ENTPD1: variants seen among roughly 807,000 people sequenced by gnomAD.
ENTPD1 encodes ectonucleoside triphosphate diphosphohydrolase 1.
A neutral mutation model predicts 57.0 loss-of-function variants in ENTPD1; 33 were observed. That is an observed-to-expected ratio of 0.58 (90% CI 0.44 to 0.77). ENTPD1 has a LOEUF of 0.77. ENTPD1 is among the 30% of genes least tolerant of loss of function. ENTPD1 has a pLI of 0.00. For missense variants in ENTPD1, 501 were observed against 603.4 expected, an observed-to-expected ratio of 0.83 and a Z score of 1.78; for synonymous variants, 202 against 218.8, an observed-to-expected ratio of 0.92 and a Z score of 0.68.
chr10:95,851,701 T>C (rs1365207486), intron 7 of ENTPD1, among the ~76,000 whole-genome samples: 4 of 151,790 alleles, frequency 2.6e-5, no homozygotes, highest in Admixed American at 1.3e-4. Context: ...GTCCCTGCGA[T>C]AGTTTGCTGA....
At chr10:95,743,381 G>A (rs1390781779) in intron 1 of ENTPD1, among the ~76,000 whole-genome samples, 3 of 152,138 alleles carry the variant, frequency 2.0e-5, no homozygotes, top group African/African-American at 7.2e-5. Context: ...TGTTTGTCAG[G>A]TTTTTCCACT....
chr10:95,696,578 C>G, the ENTPD1 span, among the ~76,000 whole-genome samples: 4 of 152,144 alleles, frequency 2.6e-5, no homozygotes, highest in African/African-American at 9.7e-5. Flanking sequence ...CCGTGCCTGG[C>G]ATGTATTGCT....
chr10:95,834,451 C>T (rs1023289074), intron 2 of ENTPD1, among the ~76,000 whole-genome samples: 9 of 151,970 alleles, frequency 5.9e-5, no homozygotes, highest in South Asian at 4.1e-4. Context: ...AGGGCTTTCT[C>T]GGTAAAGGCC....
At chr10:95,822,840 T>G (rs2140553863) in intron 1 of ENTPD1, among the ~76,000 whole-genome samples, 1 of 152,324 alleles carries the variant, frequency 6.6e-6, no homozygotes. Context: ...TCTTAATACT[T>G]TTTAACATCA....
At chr10:95,772,972 C>T (rs1766565671) in intron 1 of ENTPD1, among the ~76,000 whole-genome samples, 1 of 152,122 alleles carries the variant, frequency 6.6e-6, no homozygotes, top group Non-Finnish European at 1.5e-5. Flanking sequence ...CTTGAAAGCT[C>T]AAGATTGGGC....
intron 7 of ENTPD1, among the ~76,000 whole-genome samples, chr10:95,858,672 G>A (rs1189076931): frequency 6.6e-6 from 1 of 152,162 alleles, no homozygotes; most frequent in Admixed American, 6.5e-5. Flanking sequence ...TGGAATTCCT[G>A]AGTTCAGGGC....
intron 7 of ENTPD1, among the ~76,000 whole-genome samples, chr10:95,849,613 A>G (rs559747390): frequency 3.3e-4 from 50 of 152,374 alleles, no homozygotes; most frequent in African/African-American, 9.6e-4. Flanking sequence ...TGAGAAAACA[A>G]TAGGTAATGC....
At chr10:95,841,117 T>C (rs922530814) in intron 3 of ENTPD1, among the ~76,000 whole-genome samples, 7 of 152,186 alleles carry the variant, frequency 4.6e-5, no homozygotes, top group Non-Finnish European at 8.8e-5. Flanking sequence ...CCAAGCACGG[T>C]GGCTCATGCC....
At chr10:95,742,561 A>G (rs958360881) in intron 1 of ENTPD1, among the ~76,000 whole-genome samples, 17 of 146,900 alleles carry the variant, frequency 1.2e-4, no homozygotes, top group Admixed American at 4.1e-4. Flanking sequence ...TTTTAGACCA[A>G]TGGGAATATT....
At chr10:95,714,576 GA>G (rs1442622615) in intron 1 of ENTPD1, among the ~76,000 whole-genome samples, 1 of 152,040 alleles carries the variant, frequency 6.6e-6, no homozygotes, top group Non-Finnish European at 1.5e-5. Flanking sequence ...CTGAGTTTAA[GA>G]TTATGTTGAA....
At chr10:95,814,648 C>CTT (rs2098323619) in intron 1 of ENTPD1, among the ~76,000 whole-genome samples, 1 of 152,096 alleles carries the variant, frequency 6.6e-6, no homozygotes, top group South Asian at 2.1e-4. Flanking sequence ...ATCAGCCAGG[C>CTT]TACGTTGTTA....
intron 7 of ENTPD1, among the ~76,000 whole-genome samples, chr10:95,848,691 C>T (rs1019472658): frequency 2.0e-5 from 3 of 152,194 alleles, no homozygotes; most frequent in African/African-American, 7.2e-5. Flanking sequence ...TTTCCTTGCA[C>T]ACATCTCTTG....
intron 1 of ENTPD1, among the ~76,000 whole-genome samples, chr10:95,749,752 G>A (rs2098009805): frequency 6.6e-6 from 1 of 152,152 alleles, no homozygotes; most frequent in African/African-American, 2.4e-5. Context: ...AGAAATAGAG[G>A]TGACCAACTT....
At chr10:95,838,223 T>G (rs886687917) in intron 2 of ENTPD1, among the ~76,000 whole-genome samples, 1 of 152,178 alleles carries the variant, frequency 6.6e-6, no homozygotes, top group Non-Finnish European at 1.5e-5. Flanking sequence ...TCATGGAATT[T>G]TTTAATCCTG....
In ENTPD1 at chr10:95,863,240, G is replaced by A. The variant is rs372115845; in HGVS notation, c.1189-1484G>A. ...GAATTCAGGGAAATTAGGCCAAAAT[G>A]GCATCTCCCAGCCCCCCACAAGGGA... On this transcript the variant is annotated intron_variant, in intron 8 of 9. Transcript: ENST00000371205. Among the ~76,000 whole-genome samples the A allele has an allele frequency of 3.5e-4, 53 of 152,306 alleles. No homozygotes were observed. In the South Asian group the frequency reaches 5.6e-3, roughly 16 times the overall value.
chr10:95,742,099 A>G (rs146309507), intron 1 of ENTPD1, among the ~76,000 whole-genome samples: 3,936 of 152,308 alleles, frequency 0.026, 67 homozygotes, highest in Non-Finnish European at 0.044. Flanking sequence ...GGTCATCGGC[A>G]TTAGTCTAAG....
rs193237998 is a variant in ENTPD1, at chr10:95,848,604, C to T, written c.1074+898C>T. Among the ~76,000 whole-genome samples, 201 of 152,044 alleles carry T rather than the reference C, an allele frequency of 1.3e-3. 1 individual carries two copies. Among genetic ancestry groups the T allele is most frequent in the Admixed American group, 1.2e-3 (19 of 15,262 alleles). ...GCATGAAGCCAGCTTGCTTCCATGCCGCCATTTTGGAATCAGACATCCAAG... is the reference window on the plus strand; with the variant it reads ...GCATGAAGCCAGCTTGCTTCCATGCTGCCATTTTGGAATCAGACATCCAAG... On this transcript the variant is annotated intron_variant, in intron 7 of 9. Transcript: ENST00000371205.
intron 1 of ENTPD1, among the ~76,000 whole-genome samples, chr10:95,759,247 G>A (rs1365954643): frequency 2.6e-5 from 4 of 152,138 alleles, no homozygotes; most frequent in African/African-American, 4.8e-5. Context: ...CTGTAAAGAC[G>A]TCCCTCTATG....
At chr10:95,720,465 T>C (rs1469323307) in intron 1 of ENTPD1, among the ~76,000 whole-genome samples, 1 of 152,214 alleles carries the variant, frequency 6.6e-6, no homozygotes, top group Non-Finnish European at 1.5e-5. Flanking sequence ...AAATATCTAG[T>C]GACTGGCTGT....
Sources: gnomAD v4.1 joint callset for allele counts (sites outside exome capture counted in the v4.1 genomes callset) on GRCh38, gnomAD v4.1.1 for gene constraint, MANE v1.5 for transcripts, NCBI Gene and HGNC (gene_info 2026-07-23, HGNC 2026-07-21) for gene names.